Variants in NSG1 observed in about 807,000 individuals in gnomAD.
NSG1 encodes the protein neuronal vesicle trafficking associated 1, also known as neuronal vesicle trafficking-associated protein 1.
Under a neutral mutation model 19.3 loss-of-function variants are expected in NSG1, and 9 were observed. That is an observed-to-expected ratio of 0.47 (90% CI 0.28 to 0.81). NSG1 has a LOEUF of 0.81. Among genes scored for constraint, NSG1 ranks in the 40% least tolerant of loss-of-function variants. The probability of loss-of-function intolerance (pLI) is 0.11; values close to 1 mark genes in which losing one functional copy is unlikely to be tolerated. For synonymous variants in NSG1, 104 were observed against 107.0 expected, an observed-to-expected ratio of 0.97 and a Z score of 0.17; for missense variants, 236 against 242.4, an observed-to-expected ratio of 0.97 and a Z score of 0.18.
rs776422095 is a variant in NSG1 at position 4,387,769 on chromosome 4, C to T, written c.129+11C>T. 2.5e-6 allele frequency: 4 copies of T among 1,588,272 alleles called. No homozygotes were observed. Among genetic ancestry groups the T allele is most frequent in the Admixed American group, 1.7e-5 (1 of 59,376 alleles). On this transcript the variant is annotated intron_variant, in intron 2 of 4. Coordinates refer to ENST00000621129, the MANE Select transcript of NSG1 (RefSeq NM_014392.5). ...CCGCCCCCGGATAAGGTAAGCCCCC[C>T]CACGCCCCTCCACGTTGCCGGGTGT...
At position 4,416,189 on chromosome 4, in the gene NSG1, G is replaced by A. The variant is rs149493917; in HGVS notation, c.358-1046G>A. ...CTGAGATTGAGAGAGAAAACACTCC[G>A]CACGTGAACTCAGCTGGTACGGTGG... is the stretch of plus-strand genomic sequence containing the variant. On this transcript the variant is annotated intron_variant, in intron 4 of 4. Coordinates refer to ENST00000621129, the MANE Select transcript of NSG1 (RefSeq NM_014392.5). The A allele has an allele frequency of 1.9e-3, 1,333 of 702,418 alleles. 10 individuals are homozygous for A. In the African/African-American group the frequency reaches 0.02, roughly 11 times the overall value. The allele number at this position is 702,418 out of a possible 1,614,324, so 43.5% of individuals were successfully genotyped here. A position where few individuals can be genotyped will look rare whatever the true frequency, so the allele number is the denominator to read the frequency against.
Position 4,396,632 on chromosome 4 carries a change from G to A in NSG1, c.246+5041G>A, listed in dbSNP as rs563452658. The stretch of plus-strand genomic sequence containing the variant: ...GCATCCTGTCGCAGAGGACTCTGTG[G>A]GTGGTTTGTGTCTTTTCTTCACATC... On this transcript the variant is annotated intron_variant, in intron 3 of 4. Coordinates refer to ENST00000621129, the MANE Select transcript of NSG1 (RefSeq NM_014392.5). 2.0e-5 allele frequency among the ~76,000 whole-genome samples: 3 copies of A among 152,096 alleles called. No homozygotes were observed. The South Asian group carries it at 6.2e-4, about 32-fold the overall frequency.
rs1270131642 is a variant in NSG1 at position 4,391,680 on chromosome 4, G to A, written c.246+89G>A. On this transcript the variant is annotated intron_variant, in intron 3 of 4. Transcript: ENST00000621129. Reference sequence around the variant, plus strand: ...TAGATGCCCTGCAGGGAGGGCCAGGGTTTGACGCCGTTTGTCTGGGCTCAT... The same window carrying A: ...TAGATGCCCTGCAGGGAGGGCCAGGATTTGACGCCGTTTGTCTGGGCTCAT... 5.1e-5 allele frequency: 39 copies of A among 764,382 alleles called. No homozygotes were observed. The South Asian group carries it at 8.1e-4, about 16-fold the overall frequency. 47.3% of individuals were successfully genotyped at this position (764,382 alleles called of 1,614,324 possible). A position where few individuals can be genotyped will look rare whatever the true frequency, so the allele number is the denominator to read the frequency against.
chr4:4,412,296 G>T (rs1450387081), intron 4 of NSG1, among the ~76,000 whole-genome samples: 2 of 151,824 alleles, frequency 1.3e-5, no homozygotes, highest in South Asian at 2.1e-4. Flanking sequence ...TGACCCAGGA[G>T]ATGAAGCCCC....
chr4:4,412,940 G>C lies in NSG1; in HGVS notation c.357+3257G>C, dbSNP rs146748966. On this transcript the variant is annotated intron_variant, in intron 4 of 4. Coordinates refer to ENST00000621129, the MANE Select transcript of NSG1 (RefSeq NM_014392.5). ...TGTTTTTTGCTGATATGAGGACGCA[G>C]AGAGTCCTTACGCGATTAGCAGGAA... Among the ~76,000 whole-genome samples, 226 of 151,900 alleles carry C rather than the reference G, an allele frequency of 1.5e-3. 1 individual carries two copies. Among genetic ancestry groups the C allele is most frequent in the African/African-American group, 5.2e-3 (214 of 41,174 alleles).
Position 4,417,957 on chromosome 4 carries a change from C to G in NSG1, c.*522C>G, listed in dbSNP as rs1378184788. 2 of 168,122 alleles carry G rather than the reference C, an allele frequency of 1.2e-5. No individual in the cohort carries two copies. Among genetic ancestry groups the G allele is most frequent in the Non-Finnish European group, 2.5e-5 (2 of 78,542 alleles). The allele number at this position is 168,122 out of a possible 1,614,324, so 10.4% of individuals were successfully genotyped here. A position where few individuals can be genotyped will look rare whatever the true frequency, so the allele number is the denominator to read the frequency against. The stretch of plus-strand genomic sequence containing the variant: ...GTGGCATAGAGAACGAGGAAAAAGA[C>G]CCCCCCACCCCTCCCTGTGCTGACT... On this transcript the variant is annotated 3_prime_UTR_variant, in exon 5 of 5. Transcript: ENST00000621129.
At chr4:4,406,323 G>T (rs960003036) in intron 3 of NSG1, among the ~76,000 whole-genome samples, 2 of 152,226 alleles carry the variant, frequency 1.3e-5, no homozygotes, top group Non-Finnish European at 2.9e-5. Context: ...CACCACGTCT[G>T]CCCCTGAAAC....
intron 1 of NSG1, 43 bp from the exon 2 acceptor site, chr4:4,387,561 C>CCCGGCCTTCCTTTGG: frequency 8.8e-7 from 1 of 1,141,992 alleles, no homozygotes; most frequent in South Asian, 1.5e-5. Flanking sequence ...CGCCCCGCCC[C>CCCGGCCTTCCTTTGG]GGGTCTTGCT....
chr4:4,408,862 G>A (rs7662285), intron 3 of NSG1, among the ~76,000 whole-genome samples: 48,262 of 152,100 alleles, frequency 0.32, 11,073 homozygotes, highest in African/African-American at 0.65. Flanking sequence ...CCCATGCCCC[G>A]TGCCCTCCAG....
intron 3 of NSG1, among the ~76,000 whole-genome samples, chr4:4,404,795 G>T (rs527564921): frequency 6.6e-5 from 10 of 152,292 alleles, no homozygotes; most frequent in African/African-American, 2.2e-4. Flanking sequence ...AAAAAGAGAT[G>T]CTGGGCTCCT....
chr4:4,396,665 A>G (rs1267462875), intron 3 of NSG1, among the ~76,000 whole-genome samples: 5 of 75,536 alleles, frequency 6.6e-5, no homozygotes, highest in Admixed American at 1.7e-4. Context: ...ATCCCTAATG[A>G]CCTTGAGCTT....
rs760411868 is a variant in NSG1, at chr4:4,418,965, G to GTA, written c.*1532_*1533dup. The GTA allele has an allele frequency of 8.5e-5, 13 of 152,250 alleles. No individual in the cohort carries two copies. The highest frequency in any genetic ancestry group is 1.6e-4 in the Non-Finnish European group (11 of 68,060). 9.4% of individuals were successfully genotyped at this position (152,250 alleles called of 1,614,324 possible). ...TGCGCACAGTGCAGAGGCCGAGCCT[G>GTA]TATTTCCAGGTAGACGTGGACTTTA... On this transcript the variant is annotated 3_prime_UTR_variant, in exon 5 of 5. Coordinates refer to ENST00000621129, the MANE Select transcript of NSG1 (RefSeq NM_014392.5).
At chr4:4,398,484 T>C (rs1009213602) in intron 3 of NSG1, among the ~76,000 whole-genome samples, 1 of 152,162 alleles carries the variant, frequency 6.6e-6, no homozygotes, top group Non-Finnish European at 1.5e-5. Context: ...AAATCTGTTT[T>C]GTGTCCCTGT....
At chr4:4,387,561 C>CGGGGGGGGGGGTGGG in intron 1 of NSG1, 43 bp from the exon 2 acceptor site, 2 of 1,141,992 alleles carry the variant, frequency 1.8e-6, no homozygotes, top group Non-Finnish European at 1.2e-6. Flanking sequence ...CGCCCCGCCC[C>CGGGGGGGGGGGTGGG]GGGTCTTGCT....
At chr4:4,407,674 C>A (rs1560145735) in intron 3 of NSG1, among the ~76,000 whole-genome samples, 3 of 152,064 alleles carry the variant, frequency 2.0e-5, no homozygotes. Context: ...TGAAGACCTC[C>A]GGGAAGTGGA....
chr4:4,415,465 C>G (rs933493489), intron 4 of NSG1, among the ~76,000 whole-genome samples: 2 of 152,120 alleles, frequency 1.3e-5, no homozygotes, highest in African/African-American at 4.8e-5. Context: ...TGGGGGGCGG[C>G]AGGAGCCTCT....
chr4:4,395,557 G>C lies in NSG1; in HGVS notation c.246+3966G>C, dbSNP rs1291001604. Among the ~76,000 whole-genome samples, 3 of 152,236 alleles carry C rather than the reference G, an allele frequency of 2.0e-5. No homozygotes were observed. In the East Asian group the frequency reaches 5.8e-4, roughly 29 times the overall value. ...CTGGGCGGGTCTCTCTTTCTGAAAC[G>C]GGAGCATATGGGGAGCAGGCTATGC... On this transcript the variant is annotated intron_variant, in intron 3 of 4. Transcript: ENST00000621129.
In NSG1 at chr4:4,391,529, C is replaced by T. The variant is rs756755886; in HGVS notation, c.184C>T (p.Arg62Cys). The T allele has an allele frequency of 4.3e-6, 7 of 1,613,672 alleles. No individual in the cohort carries two copies. The highest frequency in any genetic ancestry group is 1.6e-4 in the Middle Eastern group (1 of 6,076). The change falls in exon 3 of 5, where the codon CGT (arginine) becomes TGT (cysteine). Residue 62 changes from arginine (R) to cysteine (C), a missense_variant. Coordinates refer to ENST00000621129, the MANE Select transcript of NSG1 (RefSeq NM_014392.5). ...YEPDRKKGKA[R>C]PPQIAEFTVS... is the part of the protein sequence containing the mutation. The stretch of plus-strand genomic sequence containing the variant: ...ACCTGACCGCAAGAAAGGGAAAGCA[C>T]GTCCTCCCCAAATTGCTGAGTTCAC...
At chr4:4,408,177 T>C (rs981959262) in intron 3 of NSG1, among the ~76,000 whole-genome samples, 2 of 152,124 alleles carry the variant, frequency 1.3e-5, no homozygotes, top group African/African-American at 2.4e-5. Context: ...GTCTACCCAG[T>C]TGAGCTTCGG....
Sources: gnomAD v4.1 joint callset for allele counts (sites outside exome capture counted in the v4.1 genomes callset) on GRCh38, gnomAD v4.1.1 for gene constraint, MANE v1.5 for transcripts, NCBI Gene and HGNC (gene_info 2026-07-23, HGNC 2026-07-21) for gene names.